The following CIAPIN1 variants were observed in gnomAD, a reference collection of about 807,000 sequenced individuals.
CIAPIN1 encodes cytokine induced apoptosis inhibitor 1.
CIAPIN1 carries 18 observed loss-of-function variants against 34.3 expected under a neutral mutation model. The ratio of observed to expected loss-of-function variants is 0.52; its 90% CI spans 0.36 to 0.78. The LOEUF (loss-of-function observed/expected upper bound fraction) is 0.78. Among genes scored for constraint, CIAPIN1 ranks in the 30% least tolerant of loss-of-function variants. The pLI, the probability that CIAPIN1 is intolerant of heterozygous loss-of-function variation, is 0.00. For synonymous variants in CIAPIN1, 131 were observed against 140.4 expected (o/e 0.93, Z 0.47); for missense variants, 310 against 372.5 (o/e 0.83, Z 1.38).
intron 1 of CIAPIN1, among the ~76,000 whole-genome samples, chr16:57,443,133 G>GTTTT (rs59690029): frequency 6.5e-5 from 8 of 122,300 alleles, no homozygotes; most frequent in Admixed American, 8.6e-5. Flanking sequence ...TTCTGGTTTT[G>GTTTT]TTTTTTTTTT....
At chr16:57,441,758 T>C (rs1903336782) in intron 1 of CIAPIN1, among the ~76,000 whole-genome samples, 1 of 152,208 alleles carries the variant, frequency 6.6e-6, no homozygotes, top group Admixed American at 6.5e-5. Flanking sequence ...AGGGATCAAC[T>C]TCCTCTTCCA....
intron 1 of CIAPIN1, among the ~76,000 whole-genome samples, chr16:57,446,005 C>T (rs1327331240): frequency 2.0e-5 from 3 of 151,916 alleles, no homozygotes; most frequent in African/African-American, 7.3e-5. Context: ...ACCACCACAC[C>T]CAGCTAATTT....
rs540347500 is a variant in CIAPIN1, at chr16:57,439,164, A to G, written c.310+18T>C. ...CTCAACCCTGTCAAACATGTTTTCCAAGTGAAGATCTCCTTACCTACAGCT... is the reference window on the plus strand; with the variant it reads ...CTCAACCCTGTCAAACATGTTTTCCGAGTGAAGATCTCCTTACCTACAGCT... On this transcript the variant is annotated intron_variant, in intron 3 of 8. Transcript: ENST00000394391. The G allele has an allele frequency of 6.2e-6, 10 of 1,612,604 alleles. No individual in the cohort carries two copies. Among genetic ancestry groups the G allele is most frequent in the African/African-American group, 2.7e-5 (2 of 75,012 alleles).
At chr16:57,442,976 G>T (rs1238467308) in intron 1 of CIAPIN1, among the ~76,000 whole-genome samples, 1 of 151,208 alleles carries the variant, frequency 6.6e-6, no homozygotes, top group African/African-American at 2.4e-5. Flanking sequence ...CCTTCCATAT[G>T]ATCCAACTGC....
At chr16:57,440,692 G>C in intron 2 of CIAPIN1, 80 bp downstream of exon 2, 1 of 1,462,804 alleles carries the variant, frequency 6.8e-7, no homozygotes, top group Non-Finnish European at 9.2e-7. Context: ...TGAAAACTCA[G>C]ATATCAAGGA....
rs138232683 is a variant in CIAPIN1 at position 57,436,736 on chromosome 16, C to A, written c.311-4G>T. Reference sequence around the variant, plus strand: ...GTCTTCACTTTGCTATTGTTATCTGCCAAAAGGAAAATCCCAATTAATAGC... The same window carrying A: ...GTCTTCACTTTGCTATTGTTATCTGACAAAAGGAAAATCCCAATTAATAGC... On this transcript the variant is annotated splice_region_variant and splice_polypyrimidine_tract_variant and intron_variant, in intron 3 of 8. Coordinates refer to ENST00000394391, the MANE Select transcript of CIAPIN1 (RefSeq NM_020313.4). 59 of 1,612,242 alleles carry A rather than the reference C, an allele frequency of 3.7e-5. 2 individuals carry two copies. In the South Asian group the frequency reaches 6.5e-4, roughly 18 times the overall value.
chr16:57,442,481 T>G (rs1475651004), intron 1 of CIAPIN1, among the ~76,000 whole-genome samples: 2 of 151,950 alleles, frequency 1.3e-5, no homozygotes, highest in Non-Finnish European at 2.9e-5. Flanking sequence ...GGCGACGTGG[T>G]GAAACCCCAT....
chr16:57,431,741 C>T (rs1903092615), intron 6 of CIAPIN1, among the ~76,000 whole-genome samples: 1 of 152,078 alleles, frequency 6.6e-6, no homozygotes, highest in African/African-American at 2.4e-5. Flanking sequence ...AGTCTGTAAA[C>T]CCTATGAGAG....
intron 1 of CIAPIN1, among the ~76,000 whole-genome samples, chr16:57,444,204 T>A (rs1436343905): frequency 6.6e-6 from 1 of 152,256 alleles, no homozygotes; most frequent in African/African-American, 2.4e-5. Context: ...CTGGATCTTA[T>A]GGGCACATGA....
At chr16:57,436,480 G>A (rs9928873) in intron 4 of CIAPIN1, among the ~76,000 whole-genome samples, 176 bp downstream of exon 4, 1 of 151,970 alleles carries the variant, frequency 6.6e-6, no homozygotes, top group Non-Finnish European at 1.5e-5. Context: ...CACCCACCTC[G>A]GCCTCCCAAA....
rs370700464 is a variant in CIAPIN1 at position 57,440,852 on chromosome 16, T to A, written c.77A>T (p.Lys26Ile). ...WDKSSPVEAL[K>I]GLVDKLQALT... ...CGCTTGAAGCTTATCCACCAGACCT[T>A]TCAGAGCCTCCACTGGGGATGACTT... The change falls in exon 2 of 9, where the codon AAA becomes ATA. Residue 26 changes from lysine to isoleucine, a missense_variant. Physicochemically the swap from Lys to Ile is moderately radical, Grantham distance 102. Transcript: ENST00000394391. 2.9e-5 allele frequency: 47 copies of A among 1,613,856 alleles called. No individual in the cohort carries two copies. The highest frequency in any genetic ancestry group is 3.9e-5 in the Non-Finnish European group (46 of 1,179,930).
rs758660761 is a variant in CIAPIN1 at position 57,439,242 on chromosome 16, C to A, written c.250G>T (p.Ala84Ser). Residue 84 changes from alanine to serine, a missense_variant, in exon 3 of 9, where the codon GCC (alanine) becomes TCC (serine). Ala to Ser is a moderately conservative substitution (Grantham distance 99, BLOSUM62 1). Coordinates refer to ENST00000394391, the MANE Select transcript of CIAPIN1 (RefSeq NM_020313.4). ...CATCCACCAGGCCGAAGGATCCGGG[C>A]GATTTCAGCCAAAATCTCAGCACTG... ...LHSAEILAEI[A>S]RILRPGGCLF... is the part of the protein sequence containing the mutation. 1 of 1,614,180 alleles carries A rather than the reference C, an allele frequency of 6.2e-7. No homozygotes were observed. Among genetic ancestry groups the A allele is most frequent in the East Asian group, 2.2e-5 (1 of 44,884 alleles).
At chr16:57,431,457 C>T in intron 6 of CIAPIN1, 191 bp from the exon 7 acceptor site, 1 of 475,056 alleles carries the variant, frequency 2.1e-6, no homozygotes, top group Non-Finnish European at 3.8e-6. Context: ...TAAACTACAT[C>T]CACAGAAGAT....
chr16:57,432,250 T>C (rs1903104159), intron 6 of CIAPIN1, among the ~76,000 whole-genome samples: 1 of 152,006 alleles, frequency 6.6e-6, no homozygotes, highest in South Asian at 2.1e-4. Flanking sequence ...GGAGCAGAGA[T>C]TGCAGTAAGC....
intron 1 of CIAPIN1, among the ~76,000 whole-genome samples, chr16:57,446,470 T>G (rs972550510): frequency 6.6e-6 from 1 of 152,120 alleles, no homozygotes; most frequent in African/African-American, 2.4e-5. Flanking sequence ...ACAGACACAA[T>G]GATGGGGTCT....
At chr16:57,439,419 A>C in intron 2 of CIAPIN1, 85 bp from the exon 3 acceptor site, 1 of 1,425,824 alleles carries the variant, frequency 7.0e-7, no homozygotes. Flanking sequence ...AAAGCTACAG[A>C]CCTCACCCTG....
At chr16:57,446,408 G>A (rs1217606902) in intron 1 of CIAPIN1, among the ~76,000 whole-genome samples, 1 of 152,096 alleles carries the variant, frequency 6.6e-6, no homozygotes, top group Non-Finnish European at 1.5e-5. Flanking sequence ...GGGGGGAGCC[G>A]GATATTCTGA....
At chr16:57,440,671 G>T in intron 2 of CIAPIN1, 101 bp downstream of exon 2, 1 of 1,339,978 alleles carries the variant, frequency 7.5e-7, no homozygotes. Context: ...ACTATCACAT[G>T]CCACCCTAAA....
intron 3 of CIAPIN1, among the ~76,000 whole-genome samples, chr16:57,438,533 G>A (rs58965051): frequency 0.012 from 1,797 of 152,226 alleles, 35 homozygotes; most frequent in African/African-American, 0.041. Flanking sequence ...GATATTGATG[G>A]TCCACATAAC....
Sources: gnomAD v4.1 joint callset for allele counts (sites outside exome capture counted in the v4.1 genomes callset) on GRCh38, gnomAD v4.1.1 for gene constraint, MANE v1.5 for transcripts, NCBI Gene and HGNC (gene_info 2026-07-23, HGNC 2026-07-21) for gene names.